Variants in GARIN1B observed in about 807,000 individuals in gnomAD.
GARIN1B encodes Golgi-associated RAB2 interactor protein 1B.
At chr7:128,729,892 C>T in the GARIN1B span, 3 of 1,610,996 alleles carry the variant, frequency 1.9e-6, no homozygotes, top group Non-Finnish European at 2.5e-6. Flanking sequence ...CATTTCTTTA[C>T]TTGATCTAGG....
chr7:128,722,710 A>G, the GARIN1B span, among the ~76,000 whole-genome samples: 10 of 151,950 alleles, frequency 6.6e-5, no homozygotes, highest in Admixed American at 6.6e-4. Context: ...AGGCTGAGGC[A>G]GGAGAATCGT....
the GARIN1B span, among the ~76,000 whole-genome samples, chr7:128,726,130 G>A: frequency 1.8e-4 from 28 of 152,224 alleles, no homozygotes; most frequent in African/African-American, 6.8e-4. Context: ...GAAGCCATGC[G>A]AAGATATTTA....
At chr7:128,724,186 T>C in the GARIN1B span, among the ~76,000 whole-genome samples, 2 of 152,006 alleles carry the variant, frequency 1.3e-5, no homozygotes, top group African/African-American at 2.4e-5. Context: ...AATTATTGTA[T>C]TTTTAGTAGA....
chr7:128,717,896 A>G, the GARIN1B span, among the ~76,000 whole-genome samples: 354 of 152,058 alleles, frequency 2.3e-3, 1 homozygote, highest in African/African-American at 7.8e-3. Context: ...AGGATATCTC[A>G]AGAATCTCTA....
the GARIN1B span, among the ~76,000 whole-genome samples, chr7:128,713,695 C>A: frequency 2.0e-5 from 3 of 152,174 alleles, no homozygotes; most frequent in African/African-American, 7.2e-5. Context: ...GGCACCCAAG[C>A]CTTCTTCCTC....
At chr7:128,719,582 T>C in the GARIN1B span, among the ~76,000 whole-genome samples, 34 of 152,304 alleles carry the variant, frequency 2.2e-4, no homozygotes, top group Admixed American at 6.5e-4. Context: ...TATAGTCTTT[T>C]GTGTCTGGCT....
At chr7:128,724,849 A>C in the GARIN1B span, 2 of 1,289,436 alleles carry the variant, frequency 1.6e-6, no homozygotes, top group East Asian at 1.1e-4. Flanking sequence ...AAACCAGTAC[A>C]GCTTGGAGGA....
At chr7:128,709,752 T>C in the GARIN1B span, among the ~76,000 whole-genome samples, 4 of 8,498 alleles carry the variant, frequency 4.7e-4, no homozygotes, top group African/African-American at 8.9e-4. Context: ...CTCTCTCTCT[T>C]TTTTTTTTTT....
chr7:128,715,829 G>A, the GARIN1B span: 2 of 769,630 alleles, frequency 2.6e-6, no homozygotes, highest in Non-Finnish European at 4.2e-6. Flanking sequence ...GGAATGCAAG[G>A]CCACCCTCAC....
At chr7:128,726,943 G>C in the GARIN1B span, 16 of 1,390,262 alleles carry the variant, frequency 1.2e-5, no homozygotes, top group East Asian at 3.2e-4. Flanking sequence ...ATCCCCTCCA[G>C]CCCCCATCCT....
the GARIN1B span, chr7:128,723,277 G>A: frequency 6.2e-7 from 1 of 1,613,134 alleles, no homozygotes; most frequent in African/African-American, 1.3e-5. Flanking sequence ...GTGAAGCCCT[G>A]TCTCAGATTT....
At chr7:128,719,593 T>G in the GARIN1B span, among the ~76,000 whole-genome samples, 1 of 152,092 alleles carries the variant, frequency 6.6e-6, no homozygotes, top group African/African-American at 2.4e-5. Flanking sequence ...GTGTCTGGCT[T>G]CTTTCACTTA....
the GARIN1B span, among the ~76,000 whole-genome samples, chr7:128,724,025 C>T: frequency 6.6e-6 from 1 of 152,076 alleles, no homozygotes; most frequent in African/African-American, 2.4e-5. Flanking sequence ...CATTTGTTTA[C>T]GTGAGACAAG....
chr7:128,727,842 C>G, the GARIN1B span, among the ~76,000 whole-genome samples: 1 of 152,272 alleles, frequency 6.6e-6, no homozygotes, highest in South Asian at 2.1e-4. Context: ...CTTCCTCGGT[C>G]ATAACCTCTC....
the GARIN1B span, among the ~76,000 whole-genome samples, chr7:128,714,663 G>A: frequency 1.3e-5 from 2 of 152,092 alleles, no homozygotes; most frequent in African/African-American, 4.8e-5. Flanking sequence ...CAGCCTGCTT[G>A]GTTCTTTCTT....
At chr7:128,712,664 T>C in the GARIN1B span, among the ~76,000 whole-genome samples, 1 of 152,250 alleles carries the variant, frequency 6.6e-6, no homozygotes, top group Non-Finnish European at 1.5e-5. Flanking sequence ...TCAGCATGGT[T>C]GAGGCTGTCA....
At chr7:128,731,152 G>A in the GARIN1B span, 942,182 of 1,579,088 alleles carry the variant, frequency 0.6, 285,435 homozygotes, top group African/African-American at 0.76. Flanking sequence ...TGCAAGCCTC[G>A]TCAACACCAC....
At chr7:128,719,697 CTT>C in the GARIN1B span, among the ~76,000 whole-genome samples, 21 of 99,010 alleles carry the variant, frequency 2.1e-4, no homozygotes, top group Non-Finnish European at 2.5e-4. Context: ...TTTTGTTTTG[CTT>C]TTTTTTTTTT....
At chr7:128,715,563 C>T in the GARIN1B span, 1 of 1,614,130 alleles carries the variant, frequency 6.2e-7, no homozygotes, top group Non-Finnish European at 8.5e-7. Context: ...GGCCTCTTGC[C>T]TGTGGATGGA....
Sources: gnomAD v4.1 joint callset for allele counts (sites outside exome capture counted in the v4.1 genomes callset) on GRCh38, gnomAD v4.1.1 for gene constraint, MANE v1.5 for transcripts, NCBI Gene and HGNC (gene_info 2026-07-23, HGNC 2026-07-21) for gene names.